Variants in CNOT10 observed in about 807,000 individuals in gnomAD.
CNOT10 encodes the protein CCR4-NOT transcription complex, subunit 10.
CNOT10 carries 30 observed loss-of-function variants against 94.6 expected under a neutral mutation model. That is an observed-to-expected ratio of 0.32 (90% confidence interval 0.24 to 0.43). CNOT10 has a LOEUF of 0.43. CNOT10 is among the 20% of genes least tolerant of loss of function. CNOT10 has a pLI of 1.00. For synonymous variants in CNOT10, 289 were observed against 301.6 expected, an observed-to-expected ratio of 0.96 and a Z score of 0.43; for missense variants, 759 against 877.2, an observed-to-expected ratio of 0.87 and a Z score of 1.70.
intron 1 of CNOT10, among the ~76,000 whole-genome samples, chr3:32,687,283 G>A (rs138513133): frequency 6.6e-5 from 10 of 151,342 alleles, no homozygotes; most frequent in African/African-American, 2.4e-4. Flanking sequence ...TTTCCTCACT[G>A]TCGCCCCCCG....
intron 1 of CNOT10, among the ~76,000 whole-genome samples, chr3:32,690,380 G>GT (rs1178803212): frequency 1.3e-5 from 2 of 151,918 alleles, no homozygotes; most frequent in African/African-American, 2.4e-5. Flanking sequence ...GAGTTTTTTG[G>GT]TTTTTTTGTT....
chr3:32,714,018 T>C (rs1321547447), intron 5 of CNOT10, among the ~76,000 whole-genome samples: 1 of 152,204 alleles, frequency 6.6e-6, no homozygotes, highest in Non-Finnish European at 1.5e-5. Context: ...TTCAGTTACA[T>C]TGGATATAAT....
At chr3:32,726,015 G>A (rs569078986) in intron 9 of CNOT10, among the ~76,000 whole-genome samples, 2 of 152,182 alleles carry the variant, frequency 1.3e-5, no homozygotes, top group Admixed American at 6.5e-5. Context: ...TGTGATTTCA[G>A]CTCATTTCAA....
Position 32,764,396 on chromosome 3 carries a change from AAAG to A in CNOT10, c.1841-56_1841-54del, listed in dbSNP as rs1700579288. On this transcript the variant is annotated intron_variant, in intron 15 of 18. Transcript: ENST00000328834. ...CCTCTACCTTCTGAGCCCGAGGAGA[AAAG>A]AAAGAAAATATGCTCTGTTGTTCTG... The A allele has an allele frequency of 3.8e-6, 6 of 1,566,994 alleles. No individual in the cohort carries two copies. In the Admixed American group the frequency reaches 1.1e-4, roughly 30 times the overall value.
chr3:32,715,414 T>C (rs1300988704), intron 5 of CNOT10, among the ~76,000 whole-genome samples: 2 of 152,162 alleles, frequency 1.3e-5, no homozygotes, highest in African/African-American at 4.8e-5. Flanking sequence ...TTTCTGGTAA[T>C]GAAATGAACA....
chr3:32,759,943 G>A (rs1700371747), intron 14 of CNOT10, among the ~76,000 whole-genome samples: 1 of 152,148 alleles, frequency 6.6e-6, no homozygotes, highest in South Asian at 2.1e-4. Context: ...AGCACTTTGG[G>A]AGGCCGAGGC....
intron 13 of CNOT10, among the ~76,000 whole-genome samples, chr3:32,742,187 A>G (rs1699501865): frequency 6.6e-6 from 1 of 151,700 alleles, no homozygotes; most frequent in Admixed American, 6.6e-5. Flanking sequence ...TGACCTCGTG[A>G]TCCACCGACC....
chr3:32,720,737 A>T (rs1171397628), intron 8 of CNOT10, among the ~76,000 whole-genome samples: 1 of 152,020 alleles, frequency 6.6e-6, no homozygotes, highest in Non-Finnish European at 1.5e-5. Context: ...CGCTGACCTC[A>T]GTCTCCCAAA....
chr3:32,686,755 C>A (rs1376553011), intron 1 of CNOT10, among the ~76,000 whole-genome samples: 1 of 152,176 alleles, frequency 6.6e-6, no homozygotes, highest in Non-Finnish European at 1.5e-5. Context: ...TCTGTGTTCC[C>A]CACATTTACC....
At chr3:32,760,473 A>T (rs112565548) in intron 14 of CNOT10, among the ~76,000 whole-genome samples, 3,339 of 151,934 alleles carry the variant, frequency 0.022, 50 homozygotes, top group East Asian at 0.047. Flanking sequence ...CTCTACTAAA[A>T]ATACAAAAAT....
chr3:32,703,023 C>G (rs1354507349), intron 1 of CNOT10, among the ~76,000 whole-genome samples: 2 of 151,444 alleles, frequency 1.3e-5, no homozygotes, highest in Non-Finnish European at 2.9e-5. Flanking sequence ...GCCATTCTCC[C>G]GCCTCAGTCT....
chr3:32,753,925 C>T, intron 13 of CNOT10: 1 of 1,074,036 alleles, frequency 9.3e-7, no homozygotes, highest in South Asian at 1.4e-5. Context: ...CTCTCACACA[C>T]ACACACACAC....
At position 32,759,538 on chromosome 3, in the gene CNOT10, T is replaced by A; in HGVS notation, c.1676T>A (p.Leu559His). The A allele has an allele frequency of 6.2e-7, 1 of 1,614,062 alleles. No homozygotes were observed. Among genetic ancestry groups the A allele is most frequent in the Non-Finnish European group, 8.5e-7 (1 of 1,179,956 alleles). ...ATGGCTTTGAATCATGCAGATAAACTTCTTCAGCAGCCCAAGCTGTCAGGA... is the reference window on the plus strand; with the variant it reads ...ATGGCTTTGAATCATGCAGATAAACATCTTCAGCAGCCCAAGCTGTCAGGA... ...NLMALNHADK[L>H]LQQPKLSGSL... The change falls in exon 14 of 19, where the codon CTT becomes CAT. Residue 559 changes from leucine (L) to histidine (H), a missense_variant. By Grantham distance (99) the Leu-to-His change is moderately conservative. Coordinates refer to ENST00000328834, the MANE Select transcript of CNOT10 (RefSeq NM_015442.3).
At chr3:32,756,018 C>T (rs903055149) in intron 13 of CNOT10, among the ~76,000 whole-genome samples, 1 of 152,078 alleles carries the variant, frequency 6.6e-6, no homozygotes, top group Non-Finnish European at 1.5e-5. Flanking sequence ...TAGTAACTAT[C>T]AAAAGTAAAG....
intron 1 of CNOT10, among the ~76,000 whole-genome samples, chr3:32,702,139 A>G (rs1697381744): frequency 3.0e-5 from 4 of 134,852 alleles, no homozygotes; most frequent in Non-Finnish European, 6.2e-5. Context: ...TCTGTCGCCC[A>G]GGCTGGAGTG....
At chr3:32,742,853 T>C (rs1699532221) in intron 13 of CNOT10, among the ~76,000 whole-genome samples, 2 of 152,226 alleles carry the variant, frequency 1.3e-5, no homozygotes, top group South Asian at 4.1e-4. Flanking sequence ...TTTTCAGCTT[T>C]TGCTGTTACA....
Position 32,762,776 on chromosome 3 carries a change from G to C in CNOT10, c.1753G>C (p.Asp585His), listed in dbSNP as rs768187931. 1.3e-6 allele frequency: 2 copies of C among 1,590,362 alleles called. No individual in the cohort carries two copies. Among genetic ancestry groups the C allele is most frequent in the Non-Finnish European group, 1.7e-6 (2 of 1,173,932 alleles). The change falls in exon 15 of 19, where the codon GAC becomes CAC. Residue 585 changes from aspartate (D) to histidine (H), a missense_variant. Around this residue, in one of 3 missense-constraint regions of CNOT10, gnomAD observed 682 missense variants for 799.4 expected, o/e 0.85. Transcript: ENST00000328834. ...LYAAEALISL[D>H]RISDAITHLN... ...TGCTGCAGAAGCCCTCATCTCTCTC[G>C]ACAGAATATCTGATGCCATTACTCA...
chr3:32,687,551 A>C (rs1257653497), intron 1 of CNOT10, among the ~76,000 whole-genome samples: 2 of 141,702 alleles, frequency 1.4e-5, no homozygotes, highest in Non-Finnish European at 3.0e-5. Flanking sequence ...TCCCGGGTTC[A>C]CGCCATTCTC....
chr3:32,717,550 A>T (rs571935856), intron 7 of CNOT10, among the ~76,000 whole-genome samples: 1 of 152,252 alleles, frequency 6.6e-6, no homozygotes, highest in African/African-American at 2.4e-5. Context: ...CATTTAGGTT[A>T]TTTTAGAATT....
Sources: gnomAD v4.1 joint callset for allele counts (sites outside exome capture counted in the v4.1 genomes callset) on GRCh38, gnomAD v4.1.1 for gene constraint, gnomAD v4.1.1 regional missense constraint, MANE v1.5 for transcripts, NCBI Gene and HGNC (gene_info 2026-07-23, HGNC 2026-07-21) for gene names.